DLG2: variants seen among roughly 807,000 people sequenced by gnomAD.
DLG2 encodes the protein discs large MAGUK scaffold protein 2, also known as disks large homolog 2.
In DLG2, 45 loss-of-function variants were observed where a neutral mutation model predicts 132.5. The ratio of observed to expected loss-of-function variants is 0.34; its 90% CI spans 0.27 to 0.44. DLG2 has a LOEUF of 0.44. Among genes scored for constraint, DLG2 ranks in the 20% least tolerant of loss-of-function variants. The pLI is 1.00. For missense variants in DLG2, 1,045 were observed against 1,196.9 expected (o/e 0.87, Z 1.87); for synonymous variants, 424 against 419.6 (o/e 1.01, Z -0.13).
chr11:83,711,734 C>CT (rs777313826), intron 18 of DLG2, among the ~76,000 whole-genome samples: 4 of 152,136 alleles, frequency 2.6e-5, no homozygotes, highest in Non-Finnish European at 5.9e-5. Context: ...CATTGCCTGT[C>CT]TTTTTATTAG....
At chr11:85,380,437 T>A (rs2085784248) in intron 3 of DLG2, among the ~76,000 whole-genome samples, 1 of 152,166 alleles carries the variant, frequency 6.6e-6, no homozygotes, top group Admixed American at 6.5e-5. Context: ...GGCAGGAGGA[T>A]CACCTGGAGG....
chr11:84,600,657 T>C (rs1339808413), intron 6 of DLG2, among the ~76,000 whole-genome samples: 3 of 152,234 alleles, frequency 2.0e-5, no homozygotes, highest in African/African-American at 4.8e-5. Flanking sequence ...GAATTTATCA[T>C]GTATAAATAT....
chr11:84,139,718 G>C (rs2094759390), intron 9 of DLG2, among the ~76,000 whole-genome samples: 1 of 151,982 alleles, frequency 6.6e-6, no homozygotes, highest in South Asian at 2.1e-4. Context: ...TTTGATTTCA[G>C]GCTAAATGAC....
At chr11:83,633,178 A>G (rs764291616) in intron 19 of DLG2, 33 bp downstream of exon 19, 7 of 1,595,090 alleles carry the variant, frequency 4.4e-6, no homozygotes, top group Non-Finnish European at 6.0e-6. Flanking sequence ...AATTGCTCAC[A>G]AAGTGCAGAT....
intron 18 of DLG2, among the ~76,000 whole-genome samples, chr11:83,706,328 A>T (rs957008731): frequency 6.6e-6 from 1 of 152,154 alleles, no homozygotes; most frequent in Admixed American, 6.6e-5. Context: ...TGCCGGGGAC[A>T]TGTGTCTAGT....
At chr11:83,756,938 T>C (rs933443452) in intron 18 of DLG2, among the ~76,000 whole-genome samples, 1 of 152,192 alleles carries the variant, frequency 6.6e-6, no homozygotes, top group Non-Finnish European at 1.5e-5. Context: ...GTATTACAGA[T>C]ACATAAAGCA....
rs1209622525 is a variant in DLG2 at position 84,502,268 on chromosome 11, TTCCTTCCTTCC to T, written c.519+32291_519+32301del. Among the ~76,000 whole-genome samples the T allele has an allele frequency of 1.0e-4, 5 of 47,860 alleles. 1 individual carries two copies. Among genetic ancestry groups the T allele is most frequent in the East Asian group, 8.0e-4 (2 of 2,498 alleles). The allele number at this position is 47,860 out of a possible 152,430, so 31.4% of individuals were successfully genotyped here. ...CTTCCTTCCTTCCTTCCTTCCTTCC[TTCCTTCCTTCC>T]TTCTTTCTTTCTTTCTTTCTTTCTT... On this transcript the variant is annotated intron_variant, in intron 7 of 27. Coordinates refer to ENST00000376104, the MANE Select transcript of DLG2 (RefSeq NM_001142699.3).
chr11:83,947,882 G>A (rs879313214), intron 14 of DLG2, among the ~76,000 whole-genome samples: 1 of 152,046 alleles, frequency 6.6e-6, no homozygotes, highest in Admixed American at 6.6e-5. Context: ...TGTCAAAGGC[G>A]AAATCATGGA....
At position 85,290,008 on chromosome 11, in the gene DLG2, T is replaced by C. The variant is rs554198515; in HGVS notation, c.41-4643A>G. On this transcript the variant is annotated intron_variant, in intron 3 of 27. Coordinates refer to ENST00000376104, the MANE Select transcript of DLG2 (RefSeq NM_001142699.3). ...GCAAGGCCCTTAGGAATGAAGACAA[T>C]GTTCTATCCAGCCATATATTCTCTA... 2.8e-4 allele frequency among the ~76,000 whole-genome samples: 43 copies of C among 152,286 alleles called. No individual in the cohort carries two copies. In the South Asian group the frequency reaches 8.9e-3, roughly 32 times the overall value.
Position 85,548,346 on chromosome 11 carries a change from T to A in DLG2, c.40+50311A>T, listed in dbSNP as rs572279782. 5.3e-5 allele frequency among the ~76,000 whole-genome samples: 8 copies of A among 152,306 alleles called. No individual in the cohort carries two copies. In the East Asian group the frequency reaches 1.5e-3, roughly 29 times the overall value. The stretch of plus-strand genomic sequence containing the variant: ...GCAGAACAGCAAAGATTGCTGCCTG[T>A]TCCTTGCTCTGGAAGTTTCGTCCCA... On this transcript the variant is annotated intron_variant, in intron 3 of 27. Transcript: ENST00000376104.
At chr11:84,358,599 C>T (rs1011860801) in intron 7 of DLG2, among the ~76,000 whole-genome samples, 1 of 151,610 alleles carries the variant, frequency 6.6e-6, no homozygotes, top group Non-Finnish European at 1.5e-5. Context: ...TATTAACCAC[C>T]CAGGAACAAA....
At chr11:84,374,217 C>A (rs940015425) in intron 7 of DLG2, among the ~76,000 whole-genome samples, 1 of 152,156 alleles carries the variant, frequency 6.6e-6, no homozygotes, top group East Asian at 1.9e-4. Context: ...GCTCAGGGAA[C>A]TTTTTCCCCA....
intron 6 of DLG2, among the ~76,000 whole-genome samples, chr11:84,903,664 A>T (rs1181511639): frequency 6.6e-6 from 1 of 152,130 alleles, no homozygotes; most frequent in Non-Finnish European, 1.5e-5. Context: ...CAAGTTGCTG[A>T]ATATAGTTTC....
intron 7 of DLG2, among the ~76,000 whole-genome samples, chr11:84,354,252 G>T (rs7123236): frequency 1.3e-5 from 2 of 151,964 alleles, no homozygotes; most frequent in African/African-American, 4.8e-5. Flanking sequence ...GTCAACTCTG[G>T]GTTAAACTAC....
At chr11:84,266,851 G>A (rs923471727) in intron 7 of DLG2, among the ~76,000 whole-genome samples, 2 of 152,174 alleles carry the variant, frequency 1.3e-5, no homozygotes, top group African/African-American at 4.8e-5. Flanking sequence ...CCCTTCTTAA[G>A]TATTCACCAT....
intron 18 of DLG2, among the ~76,000 whole-genome samples, chr11:83,770,950 A>G (rs1438452843): frequency 6.6e-6 from 1 of 152,196 alleles, no homozygotes; most frequent in Non-Finnish European, 1.5e-5. Context: ...TTTCTCTTGA[A>G]TCTATTAGAA....
At chr11:84,344,730 T>C (rs1361567246) in intron 7 of DLG2, among the ~76,000 whole-genome samples, 1 of 152,218 alleles carries the variant, frequency 6.6e-6, no homozygotes, top group Non-Finnish European at 1.5e-5. Flanking sequence ...TAACGTTCCC[T>C]GTCTGAAGAA....
chr11:83,729,458 G>A (rs1416016172), intron 18 of DLG2, among the ~76,000 whole-genome samples: 1 of 152,190 alleles, frequency 6.6e-6, no homozygotes, highest in Non-Finnish European at 1.5e-5. Flanking sequence ...AGCTTCCTCA[G>A]GTTAATCAAG....
chr11:85,140,317 C>T (rs1418765705), intron 5 of DLG2, among the ~76,000 whole-genome samples: 1 of 151,978 alleles, frequency 6.6e-6, no homozygotes, highest in African/African-American at 2.4e-5. Context: ...TCATCACCAA[C>T]ATTTGTCATC....
Sources: gnomAD v4.1 joint callset for allele counts (sites outside exome capture counted in the v4.1 genomes callset) on GRCh38, gnomAD v4.1.1 for gene constraint, MANE v1.5 for transcripts, NCBI Gene and HGNC (gene_info 2026-07-23, HGNC 2026-07-21) for gene names.